The following TENM1 variants were observed in gnomAD, a reference collection of about 807,000 sequenced individuals.
TENM1 encodes teneurin transmembrane protein 1.
Under a neutral mutation model 174.8 loss-of-function variants are expected in TENM1, and 35 were observed. The ratio of observed to expected loss-of-function variants is 0.20; its 90% confidence interval spans 0.15 to 0.27. The LOEUF is 0.27. Ranked by LOEUF, TENM1 falls within the 10% of genes least tolerant of loss-of-function variation. The pLI is 1.00. For synonymous variants in TENM1, 781 were observed against 798.7 expected, an observed-to-expected ratio of 0.98 and a Z score of 0.37; for missense variants, 1,633 against 2,130.1, an observed-to-expected ratio of 0.77 and a Z score of 4.59.
intron 4 of TENM1, among the ~76,000 whole-genome samples, chrX:124,736,115 C>T (rs2148549031): frequency 8.9e-6 from 1 of 111,778 alleles, no homozygotes; most frequent in East Asian, 2.8e-4. Flanking sequence ...CATTGTAGAA[C>T]TAAATAAGGC....
intron 3 of TENM1, among the ~76,000 whole-genome samples, chrX:124,893,949 G>A (rs771035103): frequency 2.7e-5 from 3 of 111,269 alleles, no homozygotes; most frequent in Non-Finnish European, 5.7e-5. Flanking sequence ...AATTATGAGA[G>A]CCATGTAAAA....
At chrX:124,568,066 C>T (rs992377872) in intron 11 of TENM1, among the ~76,000 whole-genome samples, 1 of 112,046 alleles carries the variant, frequency 8.9e-6, no homozygotes, top group African/African-American at 3.2e-5. Flanking sequence ...TTCAAACTAT[C>T]TCTATATAAA....
At chrX:124,488,605 A>C (rs1456905499) in intron 20 of TENM1, among the ~76,000 whole-genome samples, 1 of 111,811 alleles carries the variant, frequency 8.9e-6, no homozygotes, top group Non-Finnish European at 1.9e-5. Context: ...CGCCTCTTTC[A>C]ATTTGTTTGT....
the TENM1 span, among the ~76,000 whole-genome samples, chrX:125,104,700 T>A: frequency 1.8e-5 from 2 of 111,081 alleles, no homozygotes; most frequent in Non-Finnish European, 3.8e-5. Flanking sequence ...ATTCACAATT[T>A]GATTACTTAA....
At chrX:124,960,881 C>A (rs2058642716) in intron 1 of TENM1, among the ~76,000 whole-genome samples, 1 of 110,947 alleles carries the variant, frequency 9.0e-6, no homozygotes, top group South Asian at 3.8e-4. Context: ...AATTGTCAGG[C>A]AGAAGAAGAG....
At chrX:125,160,363 A>G in the TENM1 span, among the ~76,000 whole-genome samples, 55 of 88,884 alleles carry the variant, frequency 6.2e-4, no homozygotes, top group Non-Finnish European at 1.1e-3. Context: ...ATCTCTACTG[A>G]AAAAAAAAAA....
At chrX:124,771,453 T>C (rs1289576855) in intron 3 of TENM1, among the ~76,000 whole-genome samples, 1 of 112,684 alleles carries the variant, frequency 8.9e-6, no homozygotes, top group Non-Finnish European at 1.9e-5. Context: ...AGATCCCAGA[T>C]TCCCATTTCA....
At chrX:124,516,109 C>T in intron 18 of TENM1, among the ~76,000 whole-genome samples, 1 of 111,854 alleles carries the variant, frequency 8.9e-6, no homozygotes, top group Middle Eastern at 4.7e-3. Context: ...GAAAGGACTC[C>T]CTATTCAAAA....
At chrX:124,918,923 AC>A (rs1334226492) in intron 1 of TENM1, among the ~76,000 whole-genome samples, 1 of 112,014 alleles carries the variant, frequency 8.9e-6, no homozygotes, top group East Asian at 2.8e-4. Flanking sequence ...ACCTTCAGGT[AC>A]CTACACTCCA....
chrX:125,029,350 T>TA, the TENM1 span, among the ~76,000 whole-genome samples: 26 of 112,169 alleles, frequency 2.3e-4, no homozygotes, highest in Non-Finnish European at 4.5e-4. Flanking sequence ...ACCAGGTCTG[T>TA]ATTACATCAA....
rs992433771 is a variant in TENM1, at chrX:124,567,672, C to T, written c.2078-2112G>A. Among the ~76,000 whole-genome samples the T allele has an allele frequency of 2.9e-4, 32 of 111,674 alleles. No homozygotes were observed. In the Admixed American group the frequency reaches 3.0e-3, roughly 11 times the overall value. On this transcript the variant is annotated intron_variant, in intron 11 of 31. Coordinates refer to ENST00000422452, the Ensembl canonical transcript of TENM1. Reference sequence around the variant, plus strand: ...GGCATAGAAAAACGTATCTTAAAAACGTGGGCCTTGGCTTAAAAAGTGGTA... The same window carrying T: ...GGCATAGAAAAACGTATCTTAAAAATGTGGGCCTTGGCTTAAAAAGTGGTA...
chrX:125,010,496 T>C, the TENM1 span, among the ~76,000 whole-genome samples: 398 of 108,602 alleles, frequency 3.7e-3, 4 homozygotes, highest in African/African-American at 0.013. Flanking sequence ...CAAACTACCA[T>C]TGACATTCTT....
intron 25 of TENM1, among the ~76,000 whole-genome samples, chrX:124,408,322 T>G (rs2147690112): frequency 9.1e-6 from 1 of 110,497 alleles, no homozygotes; most frequent in African/African-American, 3.3e-5. Flanking sequence ...TTTGTATTTT[T>G]AGTAGAGATG....
chrX:124,896,615 C>T lies in TENM1; in HGVS notation c.218-374G>A, dbSNP rs767506644. Among the ~76,000 whole-genome samples the T allele has an allele frequency of 2.7e-5, 3 of 111,519 alleles. No individual in the cohort carries two copies. The Admixed American group carries it at 2.9e-4, about 11-fold the overall frequency. On this transcript the variant is annotated intron_variant, in intron 1 of 31. Transcript: ENST00000422452. ...AATATATATGATCTGCAGAGTGTAC[C>T]TATGCTTAAAATATTAAAATGATTT...
chrX:124,671,765 G>A (rs149006778), exon 6 of TENM1: 194 of 1,208,435 alleles, frequency 1.6e-4, no homozygotes, highest in Non-Finnish European at 2.0e-4. Flanking sequence ...TGTTCCCTTT[G>A]CTAACTCCAT....
At chrX:124,999,505 C>G in the TENM1 span, among the ~76,000 whole-genome samples, 2 of 110,919 alleles carry the variant, frequency 1.8e-5, no homozygotes, top group African/African-American at 6.5e-5. Flanking sequence ...GAGTCTAATT[C>G]AAATGAAATA....
In TENM1 at chrX:124,809,629, T is replaced by C. The variant is rs905520753; in HGVS notation, c.536-72432A>G. Among the ~76,000 whole-genome samples the C allele has an allele frequency of 9.0e-5, 10 of 111,295 alleles. No individual in the cohort carries two copies. The Admixed American group carries it at 9.6e-4, about 11-fold the overall frequency. On this transcript the variant is annotated intron_variant, in intron 3 of 31. Coordinates refer to ENST00000422452, the Ensembl canonical transcript of TENM1. ...AAAAAGCATTTGGCACATCCTTTCA[T>C]GATAAACAATTTCAACAAATTAGGG...
chrX:124,652,729 T>C (rs1375860815), intron 7 of TENM1, among the ~76,000 whole-genome samples: 1 of 111,378 alleles, frequency 9.0e-6, no homozygotes, highest in Non-Finnish European at 1.9e-5. Context: ...TTTACTACGT[T>C]TGTGGGTGAC....
At chrX:124,773,868 T>TTG (rs1193604769) in intron 3 of TENM1, among the ~76,000 whole-genome samples, 1 of 112,095 alleles carries the variant, frequency 8.9e-6, no homozygotes, top group East Asian at 2.8e-4. Flanking sequence ...ATTATGGGCC[T>TTG]ATATCAAGGA....
Sources: allele counts gnomAD v4.1 joint callset (sites outside exome capture counted in the v4.1 genomes callset), GRCh38; gene constraint gnomAD v4.1.1; transcripts MANE v1.5; gene names NCBI Gene and HGNC (gene_info 2026-07-23, HGNC 2026-07-21).